The following MIA3 variants were observed in gnomAD, a reference collection of about 807,000 sequenced individuals.
The protein encoded by MIA3 is MIA SH3 domain ER export factor 3, also known as transport and Golgi organization protein 1 homolog.
In MIA3, 90 loss-of-function variants were observed where a neutral mutation model predicts 192.4. The observed-to-expected ratio is 0.47, with a 90% CI of 0.39 to 0.56. The LOEUF (loss-of-function observed/expected upper bound fraction) is 0.56, where lower values mean the gene tolerates loss of function less well. Among genes scored for constraint, MIA3 ranks in the 20% least tolerant of loss-of-function variants. MIA3 has a pLI of 0.00. For missense variants in MIA3, 2,123 were observed against 2,269.4 expected (o/e 0.94, Z 1.31); for synonymous variants, 740 against 792.8 (o/e 0.93, Z 1.12).
intron 8 of MIA3, among the ~76,000 whole-genome samples, chr1:222,650,029 G>T (rs878878976): frequency 6.6e-6 from 1 of 152,130 alleles, no homozygotes; most frequent in South Asian, 2.1e-4. Flanking sequence ...CACAGGGATG[G>T]TGATAAACCA....
intron 8 of MIA3, 56 bp from the exon 9 acceptor site, chr1:222,650,236 G>A (rs541038611): frequency 6.3e-6 from 6 of 950,556 alleles, no homozygotes; most frequent in South Asian, 5.5e-5. Context: ...GATACATTGG[G>A]TAATTCAATT....
In MIA3 at chr1:222,632,727, C is replaced by T. The variant is rs1417531047; in HGVS notation, c.3332-377C>T. Reference sequence around the variant, plus strand: ...GCAAATTACAGTTGGAGAACCACTGCTCTAAAACTCACAAATTCTGTTTTT... The same window carrying T: ...GCAAATTACAGTTGGAGAACCACTGTTCTAAAACTCACAAATTCTGTTTTT... On this transcript the variant is annotated intron_variant, in intron 5 of 27. Transcript: ENST00000344922. Among the ~76,000 whole-genome samples, 4 of 152,238 alleles carry T rather than the reference C, an allele frequency of 2.6e-5. No individual in the cohort carries two copies. The East Asian group carries it at 7.7e-4, about 29-fold the overall frequency.
At position 222,618,263 on chromosome 1, in the gene MIA3, G is replaced by C. The variant is rs912997177; in HGVS notation, c.133+20G>C. 5.8e-6 allele frequency: 8 copies of C among 1,384,086 alleles called. No individual in the cohort carries two copies. In the South Asian group the frequency reaches 1.0e-4, roughly 18 times the overall value. 85.7% of individuals were successfully genotyped at this position (1,384,086 alleles called of 1,614,324 possible). Reference sequence around the variant, plus strand: ...GCAGCAGTGAGTGCGCTGGAGGGGCGGCTGGCCTCGGGGCGGCTGGCCTTG... The same window carrying C: ...GCAGCAGTGAGTGCGCTGGAGGGGCCGCTGGCCTCGGGGCGGCTGGCCTTG... On this transcript the variant is annotated intron_variant, in intron 1 of 27. Coordinates refer to ENST00000344922, the MANE Select transcript of MIA3 (RefSeq NM_198551.4).
At chr1:222,635,683 C>T (rs1388878890) in intron 6 of MIA3, among the ~76,000 whole-genome samples, 2 of 152,078 alleles carry the variant, frequency 1.3e-5, no homozygotes, top group Non-Finnish European at 2.9e-5. Flanking sequence ...GGGGTGCTGA[C>T]TTTATTGGGA....
At position 222,653,256 on chromosome 1, in the gene MIA3, A is replaced by G. The variant is rs1198031489; in HGVS notation, c.4238A>G (p.Asn1413Ser). 6.2e-7 allele frequency: 1 copy of G among 1,613,788 alleles called. No homozygotes were observed. Among genetic ancestry groups the G allele is most frequent in the Non-Finnish European group, 8.5e-7 (1 of 1,179,690 alleles). The change falls in exon 15 of 28, where the codon AAT becomes AGT. Residue 1413 changes from asparagine (N) to serine (S), a missense_variant. Transcript: ENST00000344922. The stretch of plus-strand genomic sequence containing the variant: ...TTGACTAACTGCATTACACAGTTGA[A>G]TCTGTTAGAGTGTGAATCTGAATCT... ...NALTNCITQL[N>S]LLECESESEG...
intron 6 of MIA3, among the ~76,000 whole-genome samples, chr1:222,640,262 TC>T (rs1662793833): frequency 6.6e-6 from 1 of 152,150 alleles, no homozygotes; most frequent in Non-Finnish European, 1.5e-5. Flanking sequence ...CCCAATTTGA[TC>T]ACTTGCATTA....
chr1:222,665,450 A>T lies in MIA3; in HGVS notation c.5555A>T (p.Glu1852Val). The change falls in exon 28 of 28, where the codon GAG (glutamate) becomes GTG (valine). Residue 1852 changes from glutamate to valine, a missense_variant. Around this residue, in one of 3 missense-constraint regions of MIA3, gnomAD observed 762 missense variants for 856.4 expected, o/e 0.89. Transcript: ENST00000344922. ...FRPLGSLGPREYFIPGTRLPP... is the reference protein window; with the variant it reads ...FRPLGSLGPRVYFIPGTRLPP... ...CCTTTAGGTTCACTTGGCCCAAGAG[A>T]GTACTTTATTCCTGGTACCCGATTA... 2 of 1,613,848 alleles carry T rather than the reference A, an allele frequency of 1.2e-6. No individual in the cohort carries two copies. Among genetic ancestry groups the T allele is most frequent in the East Asian group, 2.2e-5 (1 of 44,856 alleles).
At chr1:222,621,418 G>A (rs1661851533) in intron 2 of MIA3, 126 bp downstream of exon 2, 3 of 931,638 alleles carry the variant, frequency 3.2e-6, no homozygotes, top group Non-Finnish European at 4.8e-6. Context: ...GCCTGACTGT[G>A]AAAAAAGATG....
intron 13 of MIA3, 92 bp downstream of exon 13, chr1:222,652,424 AT>A: frequency 1.2e-6 from 1 of 808,176 alleles, no homozygotes; most frequent in South Asian, 1.5e-5. Context: ...TTTTAGGGTA[AT>A]ATATGTGCAG....
intron 6 of MIA3, among the ~76,000 whole-genome samples, chr1:222,642,406 C>A (rs1484365784): frequency 6.6e-6 from 1 of 152,040 alleles, no homozygotes; most frequent in Non-Finnish European, 1.5e-5. Flanking sequence ...AAATTATTTT[C>A]TTTTATAGCT....
In MIA3 at chr1:222,652,956, T is replaced by A. The variant is rs1571899139; in HGVS notation, c.4087-52T>A. ...CTGTCTCATTCATGTGGTCCTAATG[T>A]CTCCAGTGCAAAAGCCCTAACCTGT... is the stretch of plus-strand genomic sequence containing the variant. On this transcript the variant is annotated intron_variant, in intron 13 of 27. Coordinates refer to ENST00000344922, the MANE Select transcript of MIA3 (RefSeq NM_198551.4). 1.4e-5 allele frequency: 22 copies of A among 1,572,406 alleles called. No homozygotes were observed. The East Asian group carries it at 5.0e-4, about 35-fold the overall frequency.
chr1:222,650,719 CT>C lies in MIA3; in HGVS notation c.3798+10del. 6.3e-7 allele frequency: 1 copy of C among 1,584,408 alleles called. No homozygotes were observed. The highest frequency in any genetic ancestry group is 8.6e-7 in the Non-Finnish European group (1 of 1,161,304). On this transcript the variant is annotated intron_variant, in intron 10 of 27. Transcript: ENST00000344922. ...GAAGCAATTAAATATAAGGTAAAAACTTCTTTTGGGGATTACATTTTAAAAC... is the reference window on the plus strand; with the variant it reads ...GAAGCAATTAAATATAAGGTAAAAACTCTTTTGGGGATTACATTTTAAAAC...
At chr1:222,656,559 A>ATAC (rs1288618635) in intron 18 of MIA3, among the ~76,000 whole-genome samples, 1 of 151,912 alleles carries the variant, frequency 6.6e-6, no homozygotes, top group Non-Finnish European at 1.5e-5. Context: ...AGGTGCCTAC[A>ATAC]TGTAGGGTTT....
At position 222,632,206 on chromosome 1, in the gene MIA3, A is replaced by G. The variant is rs984225763; in HGVS notation, c.3211A>G (p.Thr1071Ala). Residue 1071 changes from threonine (T) to alanine (A), a missense_variant, in exon 5 of 28, where the codon ACA becomes GCA. This residue lies in a region of MIA3 where 1,357 missense variants were observed against 1,396.1 expected (regional missense o/e 0.97). Coordinates refer to ENST00000344922, the MANE Select transcript of MIA3 (RefSeq NM_198551.4). ...TGAAGATAATTTCTCACGAGAGAAG[A>G]CAGCAGAACTTAATGTGCAGGTTCC... is the stretch of plus-strand genomic sequence containing the variant. Reference protein sequence around the residue: ...LHEDNFSREKTAELNVQVPEE... With the variant: ...LHEDNFSREKAAELNVQVPEE... 5.6e-6 allele frequency: 9 copies of G among 1,614,080 alleles called. No homozygotes were observed. Among genetic ancestry groups the G allele is most frequent in the Admixed American group, 1.7e-5 (1 of 60,008 alleles).
chr1:222,629,412 T>C lies in MIA3; in HGVS notation c.2192T>C (p.Leu731Pro), dbSNP rs181429784. 1.3e-5 allele frequency: 21 copies of C among 1,614,144 alleles called. No homozygotes were observed. Among genetic ancestry groups the C allele is most frequent in the Non-Finnish European group, 1.8e-5 (21 of 1,180,012 alleles). ...GATGATTATCCCTCTGAAGAACTAC[T>C]AGAGGATGAAAACGCTATAAATGCA... Reference protein sequence around the residue: ...EEDDYPSEELLEDENAINAKR... With the variant: ...EEDDYPSEELPEDENAINAKR... Residue 731 changes from leucine (L) to proline (P), a missense_variant, in exon 4 of 28, where the codon CTA (leucine) becomes CCA (proline). Physicochemically the swap from Leu to Pro is moderately conservative, Grantham distance 98 (BLOSUM62 -3). This residue lies in a region of MIA3 where 1,357 missense variants were observed against 1,396.1 expected (regional missense o/e 0.97). Coordinates refer to ENST00000344922, the MANE Select transcript of MIA3 (RefSeq NM_198551.4).
chr1:222,635,071 C>A (rs914529480), intron 6 of MIA3, among the ~76,000 whole-genome samples: 2 of 152,146 alleles, frequency 1.3e-5, no homozygotes, highest in Admixed American at 6.5e-5. Context: ...AGGAGAAAGA[C>A]CACCAGGATG....
intron 18 of MIA3, among the ~76,000 whole-genome samples, chr1:222,656,473 C>T (rs1476954366): frequency 6.6e-6 from 1 of 152,024 alleles, no homozygotes; most frequent in Non-Finnish European, 1.5e-5. Context: ...TCTCTTTTCT[C>T]TTTTTTCAAA....
At chr1:222,645,184 A>G (rs1044789749) in intron 6 of MIA3, among the ~76,000 whole-genome samples, 2 of 152,236 alleles carry the variant, frequency 1.3e-5, no homozygotes, top group African/African-American at 4.8e-5. Flanking sequence ...CTTGTATATA[A>G]AAGGTTTTTT....
intron 6 of MIA3, among the ~76,000 whole-genome samples, chr1:222,639,790 G>A (rs1398005858): frequency 6.6e-6 from 1 of 152,122 alleles, no homozygotes; most frequent in Non-Finnish European, 1.5e-5. Flanking sequence ...AATAGTGAAT[G>A]ATTGAATGTT....
Sources: gnomAD v4.1 joint callset for allele counts (sites outside exome capture counted in the v4.1 genomes callset) on GRCh38, gnomAD v4.1.1 for gene constraint, gnomAD v4.1.1 regional missense constraint, MANE v1.5 for transcripts, NCBI Gene and HGNC (gene_info 2026-07-23, HGNC 2026-07-21) for gene names.